The following HECW1 variants were observed in gnomAD, a reference collection of about 807,000 sequenced individuals.
The protein encoded by HECW1 is E3 ubiquitin-protein ligase HECW1.
HECW1 carries 61 observed loss-of-function variants against 182.3 expected under a neutral mutation model. The observed-to-expected ratio is 0.33, with a 90% confidence interval of 0.27 to 0.41. The LOEUF is 0.41. HECW1 is among the 10% of genes least tolerant of loss of function. The pLI is 1.00. For synonymous variants in HECW1, 859 were observed against 832.6 expected (o/e 1.03, Z -0.55); for missense variants, 1,739 against 2,108.9 (o/e 0.82, Z 3.44).
intron 3 of HECW1, among the ~76,000 whole-genome samples, chr7:43,280,029 G>A (rs1451783989): frequency 6.6e-6 from 1 of 152,152 alleles, no homozygotes; most frequent in Non-Finnish European, 1.5e-5. Flanking sequence ...AAGAGGAGAA[G>A]GTCAGAATGG....
intron 6 of HECW1, among the ~76,000 whole-genome samples, chr7:43,374,395 T>A (rs544229280): frequency 6.6e-6 from 1 of 152,278 alleles, no homozygotes; most frequent in East Asian, 1.9e-4. Flanking sequence ...GGTATGTGAC[T>A]TAGAGACCAC....
At chr7:43,121,058 C>G (rs1157544330) in intron 2 of HECW1, among the ~76,000 whole-genome samples, 34 of 152,160 alleles carry the variant, frequency 2.2e-4, no homozygotes. Context: ...ATTTTTCCCT[C>G]CCCTACAAGG....
chr7:43,474,285 T>A (rs1444000707), intron 16 of HECW1, among the ~76,000 whole-genome samples: 1 of 151,998 alleles, frequency 6.6e-6, no homozygotes, highest in Non-Finnish European at 1.5e-5. Flanking sequence ...CCGTCTCTAC[T>A]AAAAATACAA....
intron 2 of HECW1, among the ~76,000 whole-genome samples, chr7:43,204,888 A>T (rs906377746): frequency 6.6e-6 from 1 of 152,152 alleles, no homozygotes; most frequent in Non-Finnish European, 1.5e-5. Context: ...AGGAACTGGG[A>T]GACAAGAGAG....
At chr7:43,491,242 C>T (rs1033141067) in intron 17 of HECW1, among the ~76,000 whole-genome samples, 3 of 152,188 alleles carry the variant, frequency 2.0e-5, no homozygotes, top group Admixed American at 6.5e-5. Flanking sequence ...CCCTGTCTTA[C>T]GGTTGTAAAC....
chr7:43,557,388 C>T (rs1365848318), intron 29 of HECW1, among the ~76,000 whole-genome samples: 1 of 152,232 alleles, frequency 6.6e-6, no homozygotes, highest in Non-Finnish European at 1.5e-5. Flanking sequence ...GGTCATAGCC[C>T]AGGCTACATA....
In HECW1 at chr7:43,565,003, A is replaced by C; in HGVS notation, c.*3077A>C. The stretch of plus-strand genomic sequence containing the variant: ...TAGTAAGAGTGTAACGCCTTTAATC[A>C]GGGGACAAACAAGAACAATAAATAA... On this transcript the variant is annotated 3_prime_UTR_variant, in exon 30 of 30. Transcript: ENST00000395891. 5.3e-6 allele frequency: 1 copy of C among 187,316 alleles called. No individual in the cohort carries two copies. The highest frequency in any genetic ancestry group is 1.1e-5 in the Non-Finnish European group (1 of 88,782). 11.6% of individuals were successfully genotyped at this position (187,316 alleles called of 1,614,324 possible).
At position 43,166,597 on chromosome 7, in the gene HECW1, A is replaced by G. The variant is rs115323772; in HGVS notation, c.-32+52206A>G. Among the ~76,000 whole-genome samples the G allele has an allele frequency of 5.4e-3, 823 of 152,338 alleles. 8 individuals carry two copies. The highest frequency in any genetic ancestry group is 0.019 in the African/African-American group (792 of 41,578). The stretch of plus-strand genomic sequence containing the variant: ...ACAAGTAAAAGCTTTTCTTTACTAA[A>G]AAGATGTTTTGTTTATTTCACATTG... On this transcript the variant is annotated intron_variant, in intron 2 of 29. Transcript: ENST00000395891.
intron 24 of HECW1, among the ~76,000 whole-genome samples, chr7:43,530,269 G>A (rs79505142): frequency 2.0e-5 from 3 of 151,480 alleles, no homozygotes; most frequent in African/African-American, 4.8e-5. Flanking sequence ...ATGCTTTACT[G>A]TAATCGACAC....
chr7:43,406,247 G>A (rs1438800306), intron 7 of HECW1, among the ~76,000 whole-genome samples: 2 of 152,174 alleles, frequency 1.3e-5, no homozygotes, highest in East Asian at 3.9e-4. Context: ...GCTTATCTGT[G>A]AGTTCCCTAA....
At chr7:43,299,674 C>G (rs995647131) in intron 3 of HECW1, among the ~76,000 whole-genome samples, 2 of 152,156 alleles carry the variant, frequency 1.3e-5, no homozygotes, top group Non-Finnish European at 2.9e-5. Context: ...CAGTAAGTGT[C>G]GCCTGAGACG....
At chr7:43,308,033 A>G (rs1265477377) in intron 3 of HECW1, among the ~76,000 whole-genome samples, 33 of 115,388 alleles carry the variant, frequency 2.9e-4, no homozygotes, top group African/African-American at 9.8e-4. Flanking sequence ...TATATTATAT[A>G]TTATATTGTA....
intron 8 of HECW1, among the ~76,000 whole-genome samples, chr7:43,434,653 T>A (rs964541348): frequency 1.3e-5 from 2 of 151,922 alleles, no homozygotes; most frequent in Non-Finnish European, 2.9e-5. Context: ...TAGCTGGGGG[T>A]CTACATGGAC....
intron 5 of HECW1, among the ~76,000 whole-genome samples, chr7:43,327,993 A>G (rs1811013607): frequency 6.7e-6 from 1 of 149,440 alleles, no homozygotes; most frequent in African/African-American, 2.4e-5. Context: ...TATTATTATC[A>G]TTATTATTTT....
chr7:43,337,007 G>A (rs76776336), intron 5 of HECW1, among the ~76,000 whole-genome samples: 7,622 of 152,244 alleles, frequency 0.05, 305 homozygotes, highest in East Asian at 0.22. Flanking sequence ...ATAAACATAG[G>A]AGTGCAGATG....
chr7:43,403,225 C>G (rs893669933), intron 7 of HECW1, among the ~76,000 whole-genome samples: 2 of 151,850 alleles, frequency 1.3e-5, no homozygotes, highest in African/African-American at 2.4e-5. Context: ...TAGGAGATAC[C>G]CAGGGAAAAT....
chr7:43,321,647 G>A (rs184085510), intron 5 of HECW1, among the ~76,000 whole-genome samples: 357 of 152,346 alleles, frequency 2.3e-3, no homozygotes, highest in African/African-American at 8.4e-3. Flanking sequence ...AGGAAATGGA[G>A]TGATCTGTTA....
chr7:43,375,765 T>C (rs2152823165), intron 6 of HECW1, among the ~76,000 whole-genome samples: 1 of 151,552 alleles, frequency 6.6e-6, no homozygotes, highest in African/African-American at 2.4e-5. Flanking sequence ...TGATAGCATG[T>C]GCCTGTAATC....
intron 6 of HECW1, among the ~76,000 whole-genome samples, chr7:43,377,362 C>T (rs1232220374): frequency 1.3e-5 from 2 of 152,126 alleles, no homozygotes; most frequent in Non-Finnish European, 2.9e-5. Context: ...AAGACTAACC[C>T]AAGGAGCAAA....
Sources: gnomAD v4.1 joint callset for allele counts (sites outside exome capture counted in the v4.1 genomes callset) on GRCh38, gnomAD v4.1.1 for gene constraint, MANE v1.5 for transcripts, NCBI Gene and HGNC (gene_info 2026-07-23, HGNC 2026-07-21) for gene names.